LRMDA: variants seen among roughly 807,000 people sequenced by gnomAD.
LRMDA encodes leucine rich melanocyte differentiation associated.
Under a neutral mutation model 29.8 loss-of-function variants are expected in LRMDA, and 18 were observed. That is an observed-to-expected ratio of 0.60 (90% confidence interval 0.42 to 0.90). The LOEUF is 0.90. Ranked by LOEUF, LRMDA falls within the 40% of genes least tolerant of loss-of-function variation. The probability of loss-of-function intolerance (pLI) is 0.00; values close to 1 mark genes in which losing one functional copy is unlikely to be tolerated. For synonymous variants in LRMDA, 125 were observed against 109.4 expected (o/e 1.14, Z -0.89); for missense variants, 273 against 273.9 (o/e 1.00, Z 0.02).
intron 5 of LRMDA, among the ~76,000 whole-genome samples, chr10:76,257,986 C>T (rs1839887968): frequency 6.6e-6 from 1 of 152,230 alleles, no homozygotes; most frequent in Non-Finnish European, 1.5e-5. Flanking sequence ...AGAAGGAAAA[C>T]TCCATGCTCA....
chr10:75,895,918 C>G (rs905905392), intron 2 of LRMDA, among the ~76,000 whole-genome samples: 1 of 152,142 alleles, frequency 6.6e-6, no homozygotes, highest in Non-Finnish European at 1.5e-5. Flanking sequence ...TGGAATCAGA[C>G]AGATGTGGTT....
intron 2 of LRMDA, among the ~76,000 whole-genome samples, chr10:75,933,719 G>T (rs573498794): frequency 2.0e-5 from 3 of 152,112 alleles, no homozygotes; most frequent in Admixed American, 6.6e-5. Context: ...GAGGGTATTC[G>T]CTCCAAGGAG....
intron 2 of LRMDA, among the ~76,000 whole-genome samples, chr10:75,811,805 C>T (rs1056475387): frequency 2.6e-5 from 4 of 152,172 alleles, no homozygotes; most frequent in Non-Finnish European, 5.9e-5. Context: ...TGTGTTGGCT[C>T]ATTCAGCAAA....
intron 5 of LRMDA, among the ~76,000 whole-genome samples, chr10:76,239,127 T>G (rs757607592): frequency 4.6e-5 from 7 of 152,178 alleles, no homozygotes; most frequent in Non-Finnish European, 1.0e-4. Flanking sequence ...CCCCAAACTG[T>G]CAGCCCTGTG....
chr10:76,529,807 G>A (rs112702096), intron 6 of LRMDA, among the ~76,000 whole-genome samples: 3 of 152,202 alleles, frequency 2.0e-5, no homozygotes, highest in African/African-American at 4.8e-5. Flanking sequence ...AGTTATTTGG[G>A]AGGCTTTGTC....
At chr10:75,847,366 T>G (rs1369005665) in intron 2 of LRMDA, among the ~76,000 whole-genome samples, 1 of 152,136 alleles carries the variant, frequency 6.6e-6, no homozygotes, top group Non-Finnish European at 1.5e-5. Flanking sequence ...CAACATTTTA[T>G]AGTTTTAGTT....
chr10:76,284,237 T>C (rs1326977725), intron 5 of LRMDA, among the ~76,000 whole-genome samples: 2 of 152,154 alleles, frequency 1.3e-5, no homozygotes, highest in African/African-American at 4.8e-5. Context: ...TGGAGGTTAT[T>C]CTGCATTATC....
Position 75,838,721 on chromosome 10 carries a change from C to T in LRMDA, c.132-197287C>T, listed in dbSNP as rs111631404. 3.6e-3 allele frequency among the ~76,000 whole-genome samples: 547 copies of T among 152,344 alleles called. 2 individuals carry two copies. Among genetic ancestry groups the T allele is most frequent in the Middle Eastern group, 0.024 (7 of 294 alleles). On this transcript the variant is annotated intron_variant, in intron 2 of 6. Coordinates refer to ENST00000611255, the MANE Select transcript of LRMDA (RefSeq NM_001305581.2). ...TAACTCAACAAGCATTTATTTGTTT[C>T]CTACATTGTGATCACATATGTTTTA...
Position 76,312,152 on chromosome 10 carries a change from T to A in LRMDA, c.517-12249T>A, listed in dbSNP as rs578193278. On this transcript the variant is annotated intron_variant, in intron 5 of 6. Transcript: ENST00000611255. ...GGCAGTGCGAGTCCTTCCCTACTTC[T>A]GGATTATATCAGAGTTTCCTGTCAT... Among the ~76,000 whole-genome samples, 35 of 152,340 alleles carry A rather than the reference T, an allele frequency of 2.3e-4. 1 individual carries two copies. In the South Asian group the frequency reaches 3.1e-3, roughly 14 times the overall value.
intron 6 of LRMDA, among the ~76,000 whole-genome samples, chr10:76,476,823 A>G (rs1842677929): frequency 6.6e-6 from 1 of 152,202 alleles, no homozygotes; most frequent in South Asian, 2.1e-4. Context: ...CAATAGATGC[A>G]GAAAAGGCCT....
intron 2 of LRMDA, among the ~76,000 whole-genome samples, chr10:75,528,413 A>G (rs1845438612): frequency 6.6e-6 from 1 of 152,214 alleles, no homozygotes; most frequent in Non-Finnish European, 1.5e-5. Flanking sequence ...TTGAACATGC[A>G]TATTAATCAA....
intron 6 of LRMDA, among the ~76,000 whole-genome samples, chr10:76,472,541 A>G (rs998481655): frequency 2.6e-5 from 4 of 151,678 alleles, no homozygotes; most frequent in Admixed American, 2.6e-4. Context: ...GAAGATAGAA[A>G]CCATAAAGAG....
chr10:76,375,853 A>C (rs1841510806), intron 6 of LRMDA, among the ~76,000 whole-genome samples: 1 of 151,680 alleles, frequency 6.6e-6, no homozygotes, highest in South Asian at 2.1e-4. Flanking sequence ...ATATTCATTT[A>C]GTTTTAACAC....
intron 5 of LRMDA, among the ~76,000 whole-genome samples, chr10:76,097,568 C>T (rs1341384937): frequency 6.6e-6 from 1 of 152,150 alleles, no homozygotes; most frequent in Non-Finnish European, 1.5e-5. Flanking sequence ...TTGCAAACGT[C>T]CTCTATCAGA....
chr10:75,575,932 G>A (rs531370432), intron 2 of LRMDA, among the ~76,000 whole-genome samples: 6 of 152,036 alleles, frequency 3.9e-5, no homozygotes, highest in South Asian at 2.1e-4. Context: ...AAAACTGGGC[G>A]GCCGTTTGGG....
intron 6 of LRMDA, among the ~76,000 whole-genome samples, chr10:76,533,088 G>C (rs1843252152): frequency 6.6e-6 from 1 of 152,046 alleles, no homozygotes; most frequent in South Asian, 2.1e-4. Context: ...ATCTTAATTT[G>C]AATGTTGACA....
At chr10:76,262,969 AT>A (rs1216868741) in intron 5 of LRMDA, among the ~76,000 whole-genome samples, 1 of 152,150 alleles carries the variant, frequency 6.6e-6, no homozygotes, top group Non-Finnish European at 1.5e-5. Flanking sequence ...CCCTAGCATA[AT>A]TTTTCTCATA....
chr10:76,068,411 C>G (rs1240488266), intron 5 of LRMDA, among the ~76,000 whole-genome samples: 1 of 152,140 alleles, frequency 6.6e-6, no homozygotes, highest in Non-Finnish European at 1.5e-5. Flanking sequence ...GACAATTATT[C>G]CACAGACTGG....
At chr10:76,400,990 C>T (rs1286936498) in intron 6 of LRMDA, among the ~76,000 whole-genome samples, 3 of 152,146 alleles carry the variant, frequency 2.0e-5, no homozygotes, top group Non-Finnish European at 2.9e-5. Context: ...CCAAAATGCT[C>T]ATTTGAGCAT....
Sources: allele counts gnomAD v4.1 joint callset (sites outside exome capture counted in the v4.1 genomes callset), GRCh38; gene constraint gnomAD v4.1.1; transcripts MANE v1.5; gene names NCBI Gene and HGNC (gene_info 2026-07-23, HGNC 2026-07-21).